The following TCF3 variants were observed in gnomAD, a reference collection of about 807,000 sequenced individuals.
TCF3 encodes transcription factor E2-alpha.
TCF3 carries 54 observed loss-of-function variants against 72.3 expected under a neutral mutation model. The ratio of observed to expected loss-of-function variants is 0.75; its 90% confidence interval spans 0.60 to 0.94. TCF3 has a LOEUF of 0.94. Among genes scored for constraint, TCF3 ranks in the 40% least tolerant of loss-of-function variants. The pLI is 0.00. For missense variants in TCF3, 1,078 were observed against 934.4 expected, an observed-to-expected ratio of 1.15 and a Z score of -2.00; for synonymous variants, 525 against 412.6, an observed-to-expected ratio of 1.27 and a Z score of -3.30.
intron 3 of TCF3, among the ~76,000 whole-genome samples, chr19:1,640,163 G>A (rs2065033396): frequency 6.6e-6 from 1 of 152,184 alleles, no homozygotes; most frequent in African/African-American, 2.4e-5. Flanking sequence ...GCCGAACGGG[G>A]CCAGGCGCAG....
At chr19:1,618,938 C>T (rs554355456) in intron 16 of TCF3, among the ~76,000 whole-genome samples, 173 bp downstream of exon 16, 3 of 152,304 alleles carry the variant, frequency 2.0e-5, no homozygotes, top group East Asian at 3.9e-4. Context: ...GGGCCAACGC[C>T]GGCCCCGCCG....
At chr19:1,619,730 C>T (rs2061945652) in intron 14 of TCF3, 50 bp downstream of exon 14, 1 of 1,332,704 alleles carries the variant, frequency 7.5e-7, no homozygotes, top group Non-Finnish European at 1.0e-6. Context: ...GAGCGTCTGT[C>T]CTGCAAATTC....
intron 3 of TCF3, among the ~76,000 whole-genome samples, chr19:1,635,914 C>T (rs2064332241): frequency 6.6e-6 from 1 of 152,206 alleles, no homozygotes; most frequent in African/African-American, 2.4e-5. Context: ...AGGAGCGGGC[C>T]ACCCGATACA....
rs925058434 is a variant in TCF3, at chr19:1,627,565, C to T, written c.299-139G>A. 62 of 754,342 alleles carry T rather than the reference C, an allele frequency of 8.2e-5. No homozygotes were observed. The African/African-American group carries it at 1.0e-3, about 13-fold the overall frequency. 46.7% of individuals were successfully genotyped at this position (754,342 alleles called of 1,614,324 possible). A position where few individuals can be genotyped will look rare whatever the true frequency, so the allele number is the denominator to read the frequency against. ...GCGCCACGGCAGGATGCTGGCAGAG[C>T]CTGACCCCAGTGTGCCCATCTCGGG... On this transcript the variant is annotated intron_variant, in intron 5 of 18. Coordinates refer to ENST00000262965, the MANE Select transcript of TCF3 (RefSeq NM_003200.5).
In TCF3 at chr19:1,610,868, T is replaced by A; in HGVS notation, c.*839A>T. 1 of 121,730 alleles carries A rather than the reference T, an allele frequency of 8.2e-6. No individual in the cohort carries two copies. Among genetic ancestry groups the A allele is most frequent in the Non-Finnish European group, 1.5e-5 (1 of 65,848 alleles). The allele number at this position is 121,730 out of a possible 1,614,324, so 7.5% of individuals were successfully genotyped here. A position where few individuals can be genotyped will look rare whatever the true frequency, so the allele number is the denominator to read the frequency against. On this transcript the variant is annotated 3_prime_UTR_variant, in exon 19 of 19. Transcript: ENST00000262965. Reference sequence around the variant, plus strand: ...GACAAAACCAAGAGAACCCCCAACATCAAAAAAACAAAAGACCCGCCGCCT... The same window carrying A: ...GACAAAACCAAGAGAACCCCCAACAACAAAAAAACAAAAGACCCGCCGCCT...
chr19:1,634,369 T>G (rs979294835), intron 3 of TCF3, among the ~76,000 whole-genome samples: 11 of 152,218 alleles, frequency 7.2e-5, no homozygotes, highest in Admixed American at 5.2e-4. Flanking sequence ...CCGCAGAGTT[T>G]TACCCGGGAA....
At chr19:1,644,988 C>T (rs2065870601) in intron 3 of TCF3, among the ~76,000 whole-genome samples, 2 of 152,064 alleles carry the variant, frequency 1.3e-5, no homozygotes. Flanking sequence ...GGCAGGGTGG[C>T]GTTTGGGGAT....
At chr19:1,632,570 C>A (rs958717850) in intron 3 of TCF3, among the ~76,000 whole-genome samples, 165 bp from the exon 4 acceptor site, 7 of 152,170 alleles carry the variant, frequency 4.6e-5, no homozygotes, top group Non-Finnish European at 1.0e-4. Flanking sequence ...CAGTCAGCAG[C>A]TAACACCCAG....
At chr19:1,648,572 G>A (rs912487928) in intron 2 of TCF3, among the ~76,000 whole-genome samples, 3 of 152,188 alleles carry the variant, frequency 2.0e-5, no homozygotes, top group Non-Finnish European at 4.4e-5. Flanking sequence ...ACTGCACCTC[G>A]GGTTACTCAG....
chr19:1,642,819 C>A (rs894040239), intron 3 of TCF3, among the ~76,000 whole-genome samples: 1 of 152,080 alleles, frequency 6.6e-6, no homozygotes, highest in Non-Finnish European at 1.5e-5. Context: ...CCCAGCAATT[C>A]CACTCCCAGA....
chr19:1,621,672 C>G (rs1013587989), intron 11 of TCF3, among the ~76,000 whole-genome samples, 166 bp downstream of exon 11: 1 of 152,204 alleles, frequency 6.6e-6, no homozygotes, highest in African/African-American at 2.4e-5. Context: ...GCCCAACGCA[C>G]GTGGCAGGCC....
At chr19:1,634,730 G>C (rs1470861547) in intron 3 of TCF3, among the ~76,000 whole-genome samples, 1 of 152,202 alleles carries the variant, frequency 6.6e-6, no homozygotes, top group Non-Finnish European at 1.5e-5. Flanking sequence ...GTAAATACCG[G>C]GTAGGACTGA....
At chr19:1,651,214 G>C (rs1252908811) in intron 1 of TCF3, 2 of 228,536 alleles carry the variant, frequency 8.8e-6, no homozygotes, top group Non-Finnish European at 1.7e-5. Flanking sequence ...ATGCACTCCA[G>C]GCCCCTCCAG....
intron 8 of TCF3, 29 bp downstream of exon 8, chr19:1,623,922 T>C (rs746862329): frequency 1.9e-6 from 3 of 1,611,990 alleles, no homozygotes; most frequent in South Asian, 2.2e-5. Flanking sequence ...TGACGAGCTG[T>C]GGGGTCCCTT....
intron 15 of TCF3, 36 bp from the exon 16 acceptor site, chr19:1,619,270 C>A: frequency 6.4e-7 from 1 of 1,570,654 alleles, no homozygotes. Flanking sequence ...TCAGGGGGAG[C>A]CGGGTCCCCG....
At chr19:1,643,867 G>C (rs1475023274) in intron 3 of TCF3, among the ~76,000 whole-genome samples, 1 of 152,240 alleles carries the variant, frequency 6.6e-6, no homozygotes, top group African/African-American at 2.4e-5. Flanking sequence ...TGACTTAAAA[G>C]GGAGCTAGAA....
intron 16 of TCF3, among the ~76,000 whole-genome samples, chr19:1,617,297 A>G (rs1418001430): frequency 2.0e-5 from 3 of 152,232 alleles, no homozygotes; most frequent in African/African-American, 4.8e-5. Context: ...GCCAGGGCCA[A>G]CGGCACACTC....
At position 1,615,410 on chromosome 19, in the gene TCF3, T is replaced by A; in HGVS notation, c.1697A>T (p.Asn566Ile). The change falls in exon 18 of 19, where the codon AAC (asparagine) becomes ATC (isoleucine). Residue 566 changes from asparagine (N) to isoleucine (I), a missense_variant. By Grantham distance (149) the Asn-to-Ile change is moderately radical (BLOSUM62 -3). Coordinates refer to ENST00000262965, the MANE Select transcript of TCF3 (RefSeq NM_003200.5). The surrounding 1 kb of genome is among the most constrained non-coding windows in gnomAD (Gnocchi z 7.3). ...ARERLRVRDINEAFKELGRMC... is the reference protein window; with the variant it reads ...ARERLRVRDIIEAFKELGRMC... ...GCGCCCCAGCTCCTTAAAGGCCTCG[T>A]TGATGTCACGGACCCGCAGCCGCTC... 1 of 1,613,974 alleles carries A rather than the reference T, an allele frequency of 6.2e-7. No individual in the cohort carries two copies. Among genetic ancestry groups the A allele is most frequent in the Non-Finnish European group, 8.5e-7 (1 of 1,179,994 alleles).
chr19:1,620,018 G>A (rs905958573), intron 13 of TCF3, among the ~76,000 whole-genome samples, 165 bp from the exon 14 acceptor site: 20 of 152,292 alleles, frequency 1.3e-4, no homozygotes, highest in African/African-American at 4.6e-4. Context: ...GCTCGGCCCC[G>A]CCAGGCAGGG....
Sources: allele counts gnomAD v4.1 joint callset (sites outside exome capture counted in the v4.1 genomes callset), GRCh38; gene constraint gnomAD v4.1.1; non-coding constraint Gnocchi (gnomAD v3.1); transcripts MANE v1.5; gene names NCBI Gene and HGNC (gene_info 2026-07-23, HGNC 2026-07-21).